The following SPIDR variants were observed in gnomAD, a reference collection of about 807,000 sequenced individuals.
The protein encoded by SPIDR is scaffold protein involved in DNA repair.
In SPIDR, 93 loss-of-function variants were observed where a neutral mutation model predicts 104.6. That is an observed-to-expected ratio of 0.89 (90% CI 0.75 to 1.06). The LOEUF is 1.06. Ranked by LOEUF, SPIDR falls within the 50% of genes least tolerant of loss-of-function variation. The pLI is 0.00. For synonymous variants in SPIDR, 431 were observed against 416.9 expected, an observed-to-expected ratio of 1.03 and a Z score of -0.41; for missense variants, 1,154 against 1,111.2, an observed-to-expected ratio of 1.04 and a Z score of -0.55.
intron 10 of SPIDR, among the ~76,000 whole-genome samples, chr8:47,621,361 A>G (rs896149336): frequency 1.3e-5 from 2 of 152,238 alleles, no homozygotes; most frequent in Non-Finnish European, 2.9e-5. Flanking sequence ...TACATGAATC[A>G]TCTTGAAAGT....
At chr8:47,311,770 C>T (rs969841974) in intron 5 of SPIDR, among the ~76,000 whole-genome samples, 16 of 151,734 alleles carry the variant, frequency 1.1e-4, no homozygotes, top group Admixed American at 3.3e-4. Context: ...GCACAATGTG[C>T]GGGTTTGTTA....
intron 8 of SPIDR, among the ~76,000 whole-genome samples, chr8:47,462,988 T>G (rs2074192061): frequency 6.6e-6 from 1 of 152,084 alleles, no homozygotes; most frequent in Non-Finnish European, 1.5e-5. Context: ...ACAAAAACAG[T>G]GTGCAAGAAC....
chr8:47,617,544 C>T (rs919406219), intron 10 of SPIDR, among the ~76,000 whole-genome samples: 1 of 152,170 alleles, frequency 6.6e-6, no homozygotes, highest in Non-Finnish European at 1.5e-5. Flanking sequence ...AAAGATGCAG[C>T]ATCACCCTTC....
chr8:47,521,102 G>T (rs185487363), intron 8 of SPIDR, among the ~76,000 whole-genome samples: 1 of 152,184 alleles, frequency 6.6e-6, no homozygotes, highest in Non-Finnish European at 1.5e-5. Flanking sequence ...GAGAGGCTCC[G>T]AAGAATGGGG....
intron 8 of SPIDR, among the ~76,000 whole-genome samples, chr8:47,541,928 C>T (rs562148933): frequency 1.9e-4 from 29 of 152,194 alleles, no homozygotes; most frequent in African/African-American, 6.3e-4. Flanking sequence ...GAGACTCCAT[C>T]TCAGAAAAAT....
chr8:47,475,880 T>C (rs2076231163), intron 8 of SPIDR, among the ~76,000 whole-genome samples: 1 of 152,238 alleles, frequency 6.6e-6, no homozygotes, highest in African/African-American at 2.4e-5. Flanking sequence ...TGATACAATA[T>C]TATAACTGGA....
At chr8:47,293,610 C>A (rs1554570940) in intron 4 of SPIDR, among the ~76,000 whole-genome samples, 1 of 152,038 alleles carries the variant, frequency 6.6e-6, no homozygotes, top group African/African-American at 2.4e-5. Context: ...CCGTGTCCAG[C>A]TAATTTTTTG....
intron 5 of SPIDR, among the ~76,000 whole-genome samples, chr8:47,345,661 C>A (rs1321252529): frequency 3.9e-5 from 6 of 152,116 alleles, no homozygotes; most frequent in Admixed American, 3.9e-4. Flanking sequence ...TGTAGTTCTC[C>A]TTGAAGAGGT....
chr8:47,363,925 G>A (rs1438947053), intron 5 of SPIDR, among the ~76,000 whole-genome samples: 10 of 151,582 alleles, frequency 6.6e-5, no homozygotes, highest in Non-Finnish European at 1.2e-4. Context: ...TTCTAGCAAG[G>A]TCTATGAGCT....
chr8:47,288,582 T>C (rs2039312281), intron 3 of SPIDR, among the ~76,000 whole-genome samples: 1 of 152,334 alleles, frequency 6.6e-6, no homozygotes, highest in African/African-American at 2.4e-5. Flanking sequence ...CGCTCCCTGC[T>C]GATAACTTCC....
In SPIDR at chr8:47,731,126, C is replaced by T. The variant is rs536854485; in HGVS notation, c.2604+1661C>T. Reference sequence around the variant, plus strand: ...TACAAAAAAGCTGGGTGTGGTGGTGCGCATCTGTAACCCCAGCTACTCGGG... The same window carrying T: ...TACAAAAAAGCTGGGTGTGGTGGTGTGCATCTGTAACCCCAGCTACTCGGG... On this transcript the variant is annotated intron_variant, in intron 19 of 19. Transcript: ENST00000297423. Among the ~76,000 whole-genome samples the T allele has an allele frequency of 1.9e-4, 29 of 152,060 alleles. No individual in the cohort carries two copies. The East Asian group carries it at 4.6e-3, about 24-fold the overall frequency.
chr8:47,280,099 G>A, intron 2 of SPIDR, 82 bp downstream of exon 2: 3 of 1,392,600 alleles, frequency 2.2e-6, no homozygotes, highest in South Asian at 2.8e-5. Flanking sequence ...ACATTTCATT[G>A]TAATTCCCTT....
intron 6 of SPIDR, among the ~76,000 whole-genome samples, chr8:47,403,770 A>G (rs2062276658): frequency 6.6e-6 from 1 of 152,228 alleles, no homozygotes; most frequent in Non-Finnish European, 1.5e-5. Flanking sequence ...GAAAATGGCC[A>G]TATTACCCAA....
chr8:47,360,244 C>CAAA (rs1186187617), intron 5 of SPIDR, among the ~76,000 whole-genome samples: 771 of 38,904 alleles, frequency 0.02, 111 homozygotes, highest in African/African-American at 0.073. Context: ...GACTCCATCT[C>CAAA]AAAAAAAAAA....
At chr8:47,360,270 A>G (rs2055569726) in intron 5 of SPIDR, among the ~76,000 whole-genome samples, 2 of 150,554 alleles carry the variant, frequency 1.3e-5, no homozygotes, top group South Asian at 2.1e-4. Flanking sequence ...AAAAAAAAAA[A>G]AGAAATAGAG....
At chr8:47,420,686 G>A (rs1332221624) in intron 7 of SPIDR, among the ~76,000 whole-genome samples, 2 of 152,184 alleles carry the variant, frequency 1.3e-5, no homozygotes, top group African/African-American at 4.8e-5. Flanking sequence ...TTGCTCATTA[G>A]TTGATGCAGT....
intron 7 of SPIDR, among the ~76,000 whole-genome samples, chr8:47,433,283 C>G (rs1307351476): frequency 6.6e-6 from 1 of 152,184 alleles, no homozygotes; most frequent in East Asian, 1.9e-4. Context: ...ACCCTCCTAA[C>G]TAGCTTCCCT....
chr8:47,279,820 G>GT (rs1280148608), intron 1 of SPIDR, 42 bp from the exon 2 acceptor site: 1 of 1,563,784 alleles, frequency 6.4e-7, no homozygotes, highest in Admixed American at 1.9e-5. Flanking sequence ...AGTTGATTTT[G>GT]TTTTTTTGTT....
intron 5 of SPIDR, among the ~76,000 whole-genome samples, chr8:47,354,545 C>T (rs376149606): frequency 1.3e-5 from 2 of 152,086 alleles, no homozygotes; most frequent in South Asian, 2.1e-4. Flanking sequence ...GCTTACAAGA[C>T]GTTCAGATGC....
Sources: allele counts gnomAD v4.1 joint callset (sites outside exome capture counted in the v4.1 genomes callset), GRCh38; gene constraint gnomAD v4.1.1; transcripts MANE v1.5; gene names NCBI Gene and HGNC (gene_info 2026-07-23, HGNC 2026-07-21).